PIMREG: variants seen among roughly 807,000 people sequenced by gnomAD.
The protein encoded by PIMREG is protein PIMREG.
PIMREG carries 19 observed loss-of-function variants against 24.3 expected under a neutral mutation model. The observed-to-expected ratio is 0.78, with a 90% CI of 0.54 to 1.15. The LOEUF (loss-of-function observed/expected upper bound fraction) is 1.15, where lower values mean the gene tolerates loss of function less well. Ranked by LOEUF, PIMREG falls within the 50% of genes most tolerant of loss-of-function variation. PIMREG has a pLI of 0.00. For missense variants in PIMREG, 283 were observed against 306.8 expected, an observed-to-expected ratio of 0.92 and a Z score of 0.58; for synonymous variants, 112 against 124.1, an observed-to-expected ratio of 0.90 and a Z score of 0.65.
chr17:6,450,167 C>T, intron 5 of PIMREG, 95 bp downstream of exon 5: 1 of 1,356,982 alleles, frequency 7.4e-7, no homozygotes, highest in Non-Finnish European at 1.1e-6. Context: ...CTGATGGGCA[C>T]AGCAGAGTAG....
intron 2 of PIMREG, among the ~76,000 whole-genome samples, chr17:6,446,734 T>C (rs1193818305): frequency 6.6e-6 from 1 of 152,118 alleles, no homozygotes; most frequent in Non-Finnish European, 1.5e-5. Flanking sequence ...TGGACCACTG[T>C]GGAGGGTGGA....
At chr17:6,445,454 C>T (rs1913537792) in intron 2 of PIMREG, 50 bp downstream of exon 2, 2 of 1,533,458 alleles carry the variant, frequency 1.3e-6, no homozygotes, top group East Asian at 4.5e-5. Context: ...TTCCTTGGTG[C>T]CAGGCAGTTC....
At chr17:6,448,381 A>G (rs1332045794) in intron 3 of PIMREG, among the ~76,000 whole-genome samples, 1 of 151,608 alleles carries the variant, frequency 6.6e-6, no homozygotes, top group African/African-American at 2.4e-5. Flanking sequence ...TCTAGGGGGA[A>G]ATGGAGTGTG....
chr17:6,450,569 C>A lies in PIMREG; in HGVS notation c.*222C>A. The stretch of plus-strand genomic sequence containing the variant: ...ATAGCCTGAGAGTGTCTTGGGGAGA[C>A]CTTGCAGAGGGGGAGAATTGTTCCT... On this transcript the variant is annotated 3_prime_UTR_variant, in exon 6 of 6. Transcript: ENST00000572447. The A allele has an allele frequency of 1.7e-6, 1 of 576,614 alleles. No individual in the cohort carries two copies. Among genetic ancestry groups the A allele is most frequent in the South Asian group, 2.5e-5 (1 of 39,514 alleles). 35.7% of individuals were successfully genotyped at this position (576,614 alleles called of 1,614,324 possible). A position where few individuals can be genotyped will look rare whatever the true frequency, so the allele number is the denominator to read the frequency against.
At position 6,447,560 on chromosome 17, in the gene PIMREG, C is replaced by A; in HGVS notation, c.392C>A (p.Ser131Tyr). 1 of 1,614,130 alleles carries A rather than the reference C, an allele frequency of 6.2e-7. No individual in the cohort carries two copies. The highest frequency in any genetic ancestry group is 8.5e-7 in the Non-Finnish European group (1 of 1,180,028). Residue 131 changes from serine (S) to tyrosine (Y), a missense_variant, in exon 3 of 6, where the codon TCC becomes TAC. Ser to Tyr is a moderately radical substitution (Grantham distance 144). Transcript: ENST00000572447. ...RKRGAQKGSG[S>Y]PTHSLSQKST... ...AGAGGAGCACAGAAGGGCAGTGGAT[C>A]CCCAACTCACAGCCTGAGCCAGAAG...
intron 1 of PIMREG, 69 bp from the exon 2 acceptor site, chr17:6,445,007 G>C (rs1913515852): frequency 7.8e-7 from 1 of 1,278,730 alleles, no homozygotes; most frequent in Non-Finnish European, 1.0e-6. Flanking sequence ...CTGTGTCCAG[G>C]GTCTCTGTGG....
At chr17:6,447,066 T>C (rs1017071264) in intron 2 of PIMREG, among the ~76,000 whole-genome samples, 1 of 151,642 alleles carries the variant, frequency 6.6e-6, no homozygotes, top group Non-Finnish European at 1.5e-5. Flanking sequence ...GGGTTGCTTG[T>C]ATGGTCTGGA....
At chr17:6,447,314 C>A (rs969791277) in intron 2 of PIMREG, 149 bp from the exon 3 acceptor site, 1 of 832,870 alleles carries the variant, frequency 1.2e-6, no homozygotes, top group Non-Finnish European at 1.9e-6. Context: ...TGGGGTTACA[C>A]CATGTTGGCC....
Position 6,447,691 on chromosome 17 carries a change from C to A in PIMREG, c.523C>A (p.Arg175=). 6.2e-7 allele frequency: 1 copy of A among 1,614,166 alleles called. No homozygotes were observed. Among genetic ancestry groups the A allele is most frequent in the African/African-American group, 1.3e-5 (1 of 75,058 alleles). Reference sequence around the variant, plus strand: ...GATGGGCTCACATGCCCACCCATTACGGCGATCAAGGCGGGAGGCTGCCTT... The same window carrying A: ...GATGGGCTCACATGCCCACCCATTAAGGCGATCAAGGCGGGAGGCTGCCTT... ...VRMGSHAHPL[R]RSRREAAFRS... is the part of the protein sequence containing the mutation. The change falls in exon 3 of 6, where the codon CGG becomes AGG. Residue 175 remains arginine (R), a synonymous_variant. Coordinates refer to ENST00000572447, the MANE Select transcript of PIMREG (RefSeq NM_019013.3).
At position 6,445,140 on chromosome 17, in the gene PIMREG, C is replaced by T. The variant is rs1913521188; in HGVS notation, c.30C>T (p.Thr10=). The T allele has an allele frequency of 6.3e-7, 1 of 1,597,126 alleles. No homozygotes were observed. Among genetic ancestry groups the T allele is most frequent in the African/African-American group, 1.4e-5 (1 of 73,444 alleles). The change falls in exon 2 of 6, where the codon ACC becomes ACT. Residue 10 remains threonine, a synonymous_variant. Transcript: ENST00000572447. MASRWQNMG[T]SVRRRSLQHQ... is the part of the protein sequence containing the mutation. Reference sequence around the variant, plus strand: ...CTTCTCGGTGGCAGAACATGGGGACCTCCGTGCGCCGGAGATCTCTCCAGC... The same window carrying T: ...CTTCTCGGTGGCAGAACATGGGGACTTCCGTGCGCCGGAGATCTCTCCAGC...
chr17:6,451,321 C>T lies in PIMREG; in HGVS notation c.*974C>T, dbSNP rs1401803708. On this transcript the variant is annotated 3_prime_UTR_variant, in exon 6 of 6. Coordinates refer to ENST00000572447, the MANE Select transcript of PIMREG (RefSeq NM_019013.3). ...CATTTGAGAGCTAAAAACCAGCTCA[C>T]ATCAAAATCAAGACCCAGTTGTAAA... 6.6e-6 allele frequency: 1 copy of T among 152,236 alleles called. No homozygotes were observed. The highest frequency in any genetic ancestry group is 2.4e-5 in the African/African-American group (1 of 41,466). The allele number at this position is 152,236 out of a possible 1,614,324, so 9.4% of individuals were successfully genotyped here.
chr17:6,447,278 ATT>A (rs113827676), intron 2 of PIMREG, 183 bp from the exon 3 acceptor site: 13 of 627,138 alleles, frequency 2.1e-5, no homozygotes, highest in Non-Finnish European at 2.4e-5. Context: ...CGCCTGGCTA[ATT>A]TTTTTTTGCA....
intron 3 of PIMREG, among the ~76,000 whole-genome samples, chr17:6,448,768 A>C (rs1311427405): frequency 6.6e-6 from 1 of 152,144 alleles, no homozygotes; most frequent in African/African-American, 2.4e-5. Flanking sequence ...CGGAGCTCTC[A>C]GGGAAGGCTG....
At position 6,450,814 on chromosome 17, in the gene PIMREG, T is replaced by G; in HGVS notation, c.*467T>G. ...TGAGGGCCCCACTCTCATCCCTCCT[T>G]TCCCTACCAGGGACTCGGAGGAAGG... On this transcript the variant is annotated 3_prime_UTR_variant, in exon 6 of 6. Coordinates refer to ENST00000572447, the MANE Select transcript of PIMREG (RefSeq NM_019013.3). The G allele has an allele frequency of 9.8e-6, 2 of 204,866 alleles. No homozygotes were observed. Among genetic ancestry groups the G allele is most frequent in the African/African-American group, 2.3e-5 (1 of 43,476 alleles). The allele number at this position is 204,866 out of a possible 1,614,324, so 12.7% of individuals were successfully genotyped here.
chr17:6,446,104 T>C (rs1913560737), intron 2 of PIMREG: 2 of 400,608 alleles, frequency 5.0e-6, no homozygotes, highest in Admixed American at 8.8e-5. Flanking sequence ...GGGGATAAAC[T>C]TCAGGAGCTG....
rs1913754805 is a variant in PIMREG, at chr17:6,449,972, G to A, written c.687-56G>A. ...TGATCTTGTGTAGCTCAGGCTGGGA[G>A]GGCCCTCTCAGAGCCCACCACACCC... On this transcript the variant is annotated intron_variant, in intron 4 of 5. Transcript: ENST00000572447. 4 of 1,572,212 alleles carry A rather than the reference G, an allele frequency of 2.5e-6. No individual in the cohort carries two copies. In the Admixed American group the frequency reaches 6.7e-5, roughly 26 times the overall value.
intron 4 of PIMREG, chr17:6,449,809 C>A: frequency 1.4e-6 from 2 of 1,424,336 alleles, no homozygotes; most frequent in Non-Finnish European, 1.8e-6. Flanking sequence ...ATCCTGGGGG[C>A]AGGGCCTCGG....
At position 6,450,478 on chromosome 17, in the gene PIMREG, G is replaced by A; in HGVS notation, c.*131G>A. 7.0e-7 allele frequency: 1 copy of A among 1,432,124 alleles called. No homozygotes were observed. Among genetic ancestry groups the A allele is most frequent in the Non-Finnish European group, 9.5e-7 (1 of 1,056,000 alleles). The allele number at this position is 1,432,124 out of a possible 1,614,324, so 88.7% of individuals were successfully genotyped here. On this transcript the variant is annotated 3_prime_UTR_variant, in exon 6 of 6. Coordinates refer to ENST00000572447, the MANE Select transcript of PIMREG (RefSeq NM_019013.3). ...AGTACCCCTGGGCCACTGCTAACAAGCACCTAACAAGGGGCCCAGAGCCCC... is the reference window on the plus strand; with the variant it reads ...AGTACCCCTGGGCCACTGCTAACAAACACCTAACAAGGGGCCCAGAGCCCC...
chr17:6,446,558 C>T (rs1011775814), intron 2 of PIMREG, among the ~76,000 whole-genome samples: 7 of 152,134 alleles, frequency 4.6e-5, no homozygotes, highest in Non-Finnish European at 1.0e-4. Context: ...TCTGGCTTGT[C>T]AAGGCAAAGA....
Sources: gnomAD v4.1 joint callset for allele counts (sites outside exome capture counted in the v4.1 genomes callset) on GRCh38, gnomAD v4.1.1 for gene constraint, MANE v1.5 for transcripts, NCBI Gene and HGNC (gene_info 2026-07-23, HGNC 2026-07-21) for gene names.